Variants in DLG2 observed in about 807,000 individuals in gnomAD.
DLG2 encodes discs large MAGUK scaffold protein 2, also known as disks large homolog 2.
In DLG2, 45 loss-of-function variants were observed where a neutral mutation model predicts 132.5. That is an observed-to-expected ratio of 0.34 (90% CI 0.27 to 0.44). The LOEUF (loss-of-function observed/expected upper bound fraction) is 0.44, where lower values mean the gene tolerates loss of function less well. DLG2 is among the 20% of genes least tolerant of loss of function. DLG2 has a pLI of 1.00. For missense variants in DLG2, 1,045 were observed against 1,196.9 expected, an observed-to-expected ratio of 0.87 and a Z score of 1.87; for synonymous variants, 424 against 419.6, an observed-to-expected ratio of 1.01 and a Z score of -0.13.
chr11:85,373,967 A>G (rs2085197080), intron 3 of DLG2, among the ~76,000 whole-genome samples: 1 of 152,162 alleles, frequency 6.6e-6, no homozygotes, highest in African/African-American at 2.4e-5. Flanking sequence ...TTCATGTAAC[A>G]CGTCACTCTG....
intron 3 of DLG2, among the ~76,000 whole-genome samples, chr11:85,365,616 A>G (rs2084486876): frequency 1.3e-5 from 2 of 152,238 alleles, no homozygotes; most frequent in Non-Finnish European, 2.9e-5. Flanking sequence ...TCATTCTACT[A>G]TAAAGACACA....
intron 11 of DLG2, among the ~76,000 whole-genome samples, chr11:84,031,587 T>G (rs931112740): frequency 4.6e-5 from 7 of 152,158 alleles, no homozygotes; most frequent in Non-Finnish European, 8.8e-5. Flanking sequence ...TAGGTATGAA[T>G]GTATGTACAA....
chr11:84,267,034 C>T (rs904144904), intron 7 of DLG2, among the ~76,000 whole-genome samples: 13 of 152,206 alleles, frequency 8.5e-5, no homozygotes, highest in Middle Eastern at 3.4e-3. Flanking sequence ...AAAAAATGCA[C>T]GAGAGAAATA....
At chr11:84,011,102 G>C (rs941100767) in intron 11 of DLG2, among the ~76,000 whole-genome samples, 1 of 152,034 alleles carries the variant, frequency 6.6e-6, no homozygotes, top group Non-Finnish European at 1.5e-5. Flanking sequence ...AAAACAGGTT[G>C]AGTGAACTTA....
chr11:84,398,702 G>C (rs2098819248), intron 7 of DLG2, among the ~76,000 whole-genome samples: 1 of 152,176 alleles, frequency 6.6e-6, no homozygotes, highest in Admixed American at 6.5e-5. Flanking sequence ...ACACTCCAGT[G>C]TGAAACAAAA....
chr11:83,534,811 C>T (rs1022078281), intron 20 of DLG2, among the ~76,000 whole-genome samples: 4 of 152,062 alleles, frequency 2.6e-5, no homozygotes, highest in Admixed American at 1.3e-4. Context: ...GGTGTGTTGG[C>T]GGACACCTGT....
At chr11:84,943,444 G>A (rs568230543) in intron 6 of DLG2, among the ~76,000 whole-genome samples, 1 of 151,810 alleles carries the variant, frequency 6.6e-6, no homozygotes, top group Non-Finnish European at 1.5e-5. Flanking sequence ...TAGTGAAGGT[G>A]ACTTTCTCTG....
At chr11:84,026,163 A>G (rs2095530107) in intron 11 of DLG2, among the ~76,000 whole-genome samples, 1 of 152,092 alleles carries the variant, frequency 6.6e-6, no homozygotes, top group Non-Finnish European at 1.5e-5. Context: ...GTTGTAAGAC[A>G]TAAGGAATGA....
chr11:83,997,479 A>C (rs1055683511), intron 11 of DLG2, among the ~76,000 whole-genome samples: 3 of 152,098 alleles, frequency 2.0e-5, no homozygotes, highest in African/African-American at 7.2e-5. Flanking sequence ...TCACACCTGT[A>C]ATCCCAGCAT....
chr11:84,377,655 G>A (rs1222403575), intron 7 of DLG2, among the ~76,000 whole-genome samples: 1 of 152,132 alleles, frequency 6.6e-6, no homozygotes, highest in Non-Finnish European at 1.5e-5. Context: ...TATAGAATCT[G>A]AGGGTACATT....
intron 9 of DLG2, among the ~76,000 whole-genome samples, chr11:84,130,903 A>T (rs141694825): frequency 5.3e-4 from 81 of 152,162 alleles, no homozygotes; most frequent in Admixed American, 1.3e-3. Context: ...AGAGAAAAAA[A>T]AAAAGTAAGA....
rs577661349 is a variant in DLG2 at position 84,045,393 on chromosome 11, T to C, written c.919+13922A>G. Among the ~76,000 whole-genome samples the C allele has an allele frequency of 3.6e-4, 54 of 151,864 alleles. 1 individual carries two copies. In the South Asian group the frequency reaches 0.011, roughly 30 times the overall value. On this transcript the variant is annotated intron_variant, in intron 11 of 27. Transcript: ENST00000376104. The stretch of plus-strand genomic sequence containing the variant: ...CAATAGGTCCAGATGCTAGGTGCAG[T>C]CCAACAATATTACATTCAATAGAGA...
At chr11:85,017,739 C>A (rs746851857) in intron 6 of DLG2, among the ~76,000 whole-genome samples, 1 of 152,170 alleles carries the variant, frequency 6.6e-6, no homozygotes, top group Non-Finnish European at 1.5e-5. Flanking sequence ...TCAGTCAATA[C>A]ACAACCTCCA....
intron 7 of DLG2, among the ~76,000 whole-genome samples, chr11:84,261,143 T>C (rs2097543438): frequency 6.6e-6 from 1 of 152,206 alleles, no homozygotes; most frequent in East Asian, 1.9e-4. Flanking sequence ...CCTGGTTCTT[T>C]AGGTTAAGGT....
intron 6 of DLG2, among the ~76,000 whole-genome samples, chr11:84,785,277 C>T (rs2072670292): frequency 6.6e-6 from 1 of 151,892 alleles, no homozygotes; most frequent in South Asian, 2.1e-4. Flanking sequence ...TCCTGTAGTG[C>T]TTCTGACAGT....
At chr11:83,872,674 G>T (rs943518410) in intron 16 of DLG2, among the ~76,000 whole-genome samples, 3 of 152,242 alleles carry the variant, frequency 2.0e-5, no homozygotes, top group East Asian at 1.9e-4. Context: ...AGGGCAAATT[G>T]CTAATAAGCT....
At chr11:85,428,191 C>A (rs929749268) in intron 3 of DLG2, among the ~76,000 whole-genome samples, 4 of 152,142 alleles carry the variant, frequency 2.6e-5, no homozygotes, top group Admixed American at 1.3e-4. Context: ...GACTATAACA[C>A]CCCACTGTCA....
At chr11:84,928,695 A>C (rs561391142) in intron 6 of DLG2, among the ~76,000 whole-genome samples, 3 of 151,778 alleles carry the variant, frequency 2.0e-5, no homozygotes, top group African/African-American at 7.2e-5. Context: ...CCCTGAATCA[A>C]TTTACTATTA....
chr11:84,376,014 CA>C (rs2098727662), intron 7 of DLG2, among the ~76,000 whole-genome samples: 1 of 151,884 alleles, frequency 6.6e-6, no homozygotes, highest in Non-Finnish European at 1.5e-5. Flanking sequence ...TTGATGTCTT[CA>C]TTTTTTTCCA....
Sources: allele counts gnomAD v4.1 joint callset (sites outside exome capture counted in the v4.1 genomes callset), GRCh38; gene constraint gnomAD v4.1.1; transcripts MANE v1.5; gene names NCBI Gene and HGNC (gene_info 2026-07-23, HGNC 2026-07-21).